CCSER1: variants seen among roughly 807,000 people sequenced by gnomAD.
The protein encoded by CCSER1 is coiled-coil serine rich protein 1.
A neutral mutation model predicts 82.0 loss-of-function variants in CCSER1; 41 were observed. The ratio of observed to expected loss-of-function variants is 0.50; its 90% CI spans 0.39 to 0.65. CCSER1 has a LOEUF of 0.65. CCSER1 is among the 30% of genes least tolerant of loss of function. The pLI is 0.00. For synonymous variants in CCSER1, 414 were observed against 383.9 expected (o/e 1.08, Z -0.92); for missense variants, 1,119 against 1,064.2 (o/e 1.05, Z -0.72).
chr4:90,837,420 A>G (rs969966437), intron 8 of CCSER1, among the ~76,000 whole-genome samples: 2 of 152,120 alleles, frequency 1.3e-5, no homozygotes, highest in African/African-American at 4.8e-5. Flanking sequence ...ATAGGATGGA[A>G]ATCTTGGCTT....
chr4:90,796,943 T>C (rs1756122709), intron 7 of CCSER1, among the ~76,000 whole-genome samples: 1 of 152,186 alleles, frequency 6.6e-6, no homozygotes, highest in South Asian at 2.1e-4. Flanking sequence ...CATGTGACAA[T>C]GAAAAGCATG....
At chr4:90,685,791 C>T (rs982266953) in intron 6 of CCSER1, among the ~76,000 whole-genome samples, 3 of 152,192 alleles carry the variant, frequency 2.0e-5, no homozygotes, top group Admixed American at 2.0e-4. Flanking sequence ...ATTTATAGCA[C>T]ATTTTCTATT....
intron 9 of CCSER1, among the ~76,000 whole-genome samples, chr4:90,930,941 C>CAT (rs1729700175): frequency 1.1e-5 from 1 of 93,464 alleles, no homozygotes; most frequent in African/African-American, 3.3e-5. Flanking sequence ...TATATATATA[C>CAT]ACATGACATA....
At chr4:90,412,583 G>A (rs1755055044) in intron 4 of CCSER1, among the ~76,000 whole-genome samples, 1 of 149,206 alleles carries the variant, frequency 6.7e-6, no homozygotes, top group Admixed American at 6.7e-5. Flanking sequence ...TCATACGAGG[G>A]ATGCAGGGAT....
intron 10 of CCSER1, among the ~76,000 whole-genome samples, chr4:91,338,626 C>T (rs1317377087): frequency 2.0e-5 from 3 of 152,084 alleles, no homozygotes; most frequent in Non-Finnish European, 4.4e-5. Context: ...AGTTAACATA[C>T]TAAAGTGCAC....
chr4:91,558,748 C>T (rs756925555), intron 10 of CCSER1, among the ~76,000 whole-genome samples: 4 of 151,566 alleles, frequency 2.6e-5, no homozygotes, highest in South Asian at 2.1e-4. Context: ...ATTCACTATA[C>T]GAGAGTAGCA....
chr4:91,028,270 C>T (rs756933402), intron 9 of CCSER1, among the ~76,000 whole-genome samples: 11 of 151,858 alleles, frequency 7.2e-5, no homozygotes, highest in Non-Finnish European at 1.6e-4. Context: ...ATGGAGTGCT[C>T]TTCTCATCCA....
intron 7 of CCSER1, among the ~76,000 whole-genome samples, chr4:90,806,564 C>T (rs2023543689): frequency 6.6e-6 from 1 of 152,196 alleles, no homozygotes; most frequent in Non-Finnish European, 1.5e-5. Context: ...CACTGACCAG[C>T]TTCCAGGAGT....
rs1393984693 is a variant in CCSER1 at position 90,648,291 on chromosome 4, A to AAGAAAG, written c.1932+20061_1932+20066dup. Among the ~76,000 whole-genome samples, 9 of 128,392 alleles carry AAGAAAG rather than the reference A, an allele frequency of 7.0e-5. No homozygotes were observed. The East Asian group carries it at 2.3e-3, about 32-fold the overall frequency. 84.2% of individuals were successfully genotyped at this position (128,392 alleles called of 152,430 possible). A position where few individuals can be genotyped will look rare whatever the true frequency, so the allele number is the denominator to read the frequency against. On this transcript the variant is annotated intron_variant, in intron 6 of 10. Transcript: ENST00000509176. ...AAGAGAGAGAGAAAGAAAGGAAAGA[A>AAGAAAG]AGAAAGAAAGAAAGAAAGAAAGAAA...
At chr4:91,541,760 G>T (rs1367565863) in intron 10 of CCSER1, among the ~76,000 whole-genome samples, 1 of 152,048 alleles carries the variant, frequency 6.6e-6, no homozygotes, top group African/African-American at 2.4e-5. Flanking sequence ...GGATGGTTGG[G>T]TCAAATGGTA....
intron 10 of CCSER1, among the ~76,000 whole-genome samples, chr4:91,228,485 A>C (rs1738380253): frequency 6.6e-6 from 1 of 151,990 alleles, no homozygotes; most frequent in Non-Finnish European, 1.5e-5. Flanking sequence ...ATCTGAAAAT[A>C]AACAAAAAAA....
intron 9 of CCSER1, among the ~76,000 whole-genome samples, chr4:90,948,300 T>C (rs530143994): frequency 6.6e-6 from 1 of 151,892 alleles, no homozygotes; most frequent in East Asian, 1.9e-4. Context: ...TAAATGTAAA[T>C]ATAAATAAAT....
chr4:90,803,998 C>T (rs1390088785), intron 7 of CCSER1, among the ~76,000 whole-genome samples: 5 of 152,202 alleles, frequency 3.3e-5, no homozygotes, highest in Non-Finnish European at 7.3e-5. Context: ...CTGTTGGCTG[C>T]ATAAATGTCT....
intron 10 of CCSER1, among the ~76,000 whole-genome samples, chr4:91,511,387 G>A (rs192251845): frequency 6.6e-6 from 1 of 152,190 alleles, no homozygotes; most frequent in Non-Finnish European, 1.5e-5. Flanking sequence ...GACAGGAATA[G>A]TGTTGAATAG....
At chr4:90,699,366 G>A (rs1036245599) in intron 6 of CCSER1, among the ~76,000 whole-genome samples, 2 of 152,080 alleles carry the variant, frequency 1.3e-5, no homozygotes, top group Non-Finnish European at 2.9e-5. Context: ...TCAGAAGGTC[G>A]GGGCATGAGA....
intron 10 of CCSER1, among the ~76,000 whole-genome samples, chr4:91,365,114 AAC>A (rs1749520448): frequency 6.6e-6 from 1 of 152,184 alleles, no homozygotes; most frequent in Non-Finnish European, 1.5e-5. Flanking sequence ...ATTTCTAATA[AAC>A]AGTCTTTAAA....
rs183179255 is a variant in CCSER1, at chr4:90,878,683, G to T, written c.2095-44687G>T. On this transcript the variant is annotated intron_variant, in intron 8 of 10. Coordinates refer to ENST00000509176, the MANE Select transcript of CCSER1 (RefSeq NM_001145065.2). ...CTGCACAAATTAAAAACTCGCTTAA[G>T]ATATTAATCTTTCCTCAATGGAGAT... 3.2e-4 allele frequency among the ~76,000 whole-genome samples: 49 copies of T among 152,228 alleles called. No homozygotes were observed. In the East Asian group the frequency reaches 8.3e-3, roughly 26 times the overall value.
chr4:91,036,461 C>T (rs1290558280), intron 9 of CCSER1, among the ~76,000 whole-genome samples: 1 of 152,138 alleles, frequency 6.6e-6, no homozygotes, highest in Non-Finnish European at 1.5e-5. Flanking sequence ...CAGACTCCTA[C>T]TCCCTGCCAA....
intron 3 of CCSER1, among the ~76,000 whole-genome samples, chr4:90,359,278 A>T (rs1482270372): frequency 6.6e-6 from 1 of 152,208 alleles, no homozygotes. Context: ...GTATATGAGA[A>T]TGCTTTCAAA....
Sources: allele counts gnomAD v4.1 joint callset (sites outside exome capture counted in the v4.1 genomes callset), GRCh38; gene constraint gnomAD v4.1.1; transcripts MANE v1.5; gene names NCBI Gene and HGNC (gene_info 2026-07-23, HGNC 2026-07-21).